NUDCD1: variants seen among roughly 807,000 people sequenced by gnomAD.
NUDCD1 encodes nudC domain-containing protein 1.
Under a neutral mutation model 67.8 loss-of-function variants are expected in NUDCD1, and 60 were observed. That is an observed-to-expected ratio of 0.88 (90% CI 0.72 to 1.10). The LOEUF (loss-of-function observed/expected upper bound fraction) is 1.10, where lower values mean the gene tolerates loss of function less well. NUDCD1 is among the 50% of genes least tolerant of loss of function. NUDCD1 has a pLI of 0.00. For missense variants in NUDCD1, 643 were observed against 695.0 expected, an observed-to-expected ratio of 0.93 and a Z score of 0.84; for synonymous variants, 244 against 230.8, an observed-to-expected ratio of 1.06 and a Z score of -0.52.
intron 6 of NUDCD1, 98 bp downstream of exon 6, chr8:109,280,870 G>T: frequency 1.8e-6 from 1 of 556,652 alleles, no homozygotes; most frequent in Non-Finnish European, 3.1e-6. Flanking sequence ...AATACAGACA[G>T]AACTATTGTA....
chr8:109,274,646 CCTT>C (rs1436883227), intron 7 of NUDCD1, among the ~76,000 whole-genome samples: 2 of 152,238 alleles, frequency 1.3e-5, no homozygotes, highest in African/African-American at 2.4e-5. Flanking sequence ...ATATTCCAGT[CCTT>C]CTTTTCTATC....
intron 4 of NUDCD1, among the ~76,000 whole-genome samples, chr8:109,291,292 A>G (rs967526136): frequency 1.3e-5 from 2 of 152,082 alleles, no homozygotes; most frequent in African/African-American, 4.8e-5. Flanking sequence ...ATAGGTGCAC[A>G]ACACCATGCC....
At position 109,293,450 on chromosome 8, in the gene NUDCD1, AT is replaced by A; in HGVS notation, c.533del (p.His178LeufsTer3). Reference protein sequence around the residue: ...HSISLLNAEEHSIATLLLRIE... With the variant: ...HSISLLNAEEXSIATLLLRIE... ...TTCGAAGAAGTAGGGTAGCTATAGA[AT>A]GTTCTTCAGCATTTAGCAGTGAGAT... On this transcript the variant is annotated frameshift_variant, in exon 4 of 10. Coordinates refer to ENST00000239690, the MANE Select transcript of NUDCD1 (RefSeq NM_032869.4). LOFTEE classifies it high-confidence loss of function. The A allele has an allele frequency of 6.3e-7, 1 of 1,593,712 alleles. No homozygotes were observed. Among genetic ancestry groups the A allele is most frequent in the African/African-American group, 1.4e-5 (1 of 74,046 alleles).
rs545703424 is a variant in NUDCD1 at position 109,322,034 on chromosome 8, C to G, written c.273+275G>C. Among the ~76,000 whole-genome samples the G allele has an allele frequency of 3.3e-5, 5 of 152,180 alleles. No homozygotes were observed. The South Asian group carries it at 1.0e-3, about 32-fold the overall frequency. ...GGGACAACACCTCACATAGGAAAAG[C>G]AGACATGAACAGTTACATCAGTATT... On this transcript the variant is annotated intron_variant, in intron 2 of 9. Coordinates refer to ENST00000239690, the MANE Select transcript of NUDCD1 (RefSeq NM_032869.4).
At chr8:109,331,857 A>G (rs1360412367) in intron 1 of NUDCD1, among the ~76,000 whole-genome samples, 1 of 152,234 alleles carries the variant, frequency 6.6e-6, no homozygotes, top group Non-Finnish European at 1.5e-5. Context: ...TCAGGGAAAC[A>G]CTGAATGACC....
intron 8 of NUDCD1, among the ~76,000 whole-genome samples, chr8:109,260,932 T>C (rs1813851374): frequency 6.6e-6 from 1 of 152,224 alleles, no homozygotes; most frequent in Non-Finnish European, 1.5e-5. Flanking sequence ...GTCTTCGAAA[T>C]TGAATGTAAG....
rs1813358977 is a variant in NUDCD1, at chr8:109,241,235, G to T, written c.*1774C>A. On this transcript the variant is annotated 3_prime_UTR_variant, in exon 10 of 10. Transcript: ENST00000239690. ...CATTAATCATGCAAAAAAATCACATGCACAAAGAATATTGATTACTAAAAT... is the reference window on the plus strand; with the variant it reads ...CATTAATCATGCAAAAAAATCACATTCACAAAGAATATTGATTACTAAAAT... 6.6e-6 allele frequency: 1 copy of T among 151,958 alleles called. No homozygotes were observed. The highest frequency in any genetic ancestry group is 6.6e-5 in the Admixed American group (1 of 15,236). 9.4% of individuals were successfully genotyped at this position (151,958 alleles called of 1,614,324 possible). A position where few individuals can be genotyped will look rare whatever the true frequency, so the allele number is the denominator to read the frequency against.
chr8:109,321,930 TA>T (rs1320851164), intron 2 of NUDCD1, among the ~76,000 whole-genome samples: 1 of 152,130 alleles, frequency 6.6e-6, no homozygotes, highest in Non-Finnish European at 1.5e-5. Flanking sequence ...AAAACAATCC[TA>T]AATGTTTGTA....
chr8:109,266,249 G>A lies in NUDCD1; in HGVS notation c.1299+4756C>T, dbSNP rs550719964. 9.3e-5 allele frequency among the ~76,000 whole-genome samples: 14 copies of A among 150,722 alleles called. No homozygotes were observed. The East Asian group carries it at 1.2e-3, about 13-fold the overall frequency. On this transcript the variant is annotated intron_variant, in intron 8 of 9. Transcript: ENST00000239690. ...TAGTAATAATTTTTTTTTTTGAGAC[G>A]GAGTCTCGCTGTGTCACCCAGGCCG... is the stretch of plus-strand genomic sequence containing the variant.
At chr8:109,266,047 C>T (rs1017741212) in intron 8 of NUDCD1, among the ~76,000 whole-genome samples, 1 of 151,406 alleles carries the variant, frequency 6.6e-6, no homozygotes, top group Non-Finnish European at 1.5e-5. Flanking sequence ...TTGATTAATA[C>T]AGATCAGTGT....
chr8:109,329,363 T>C (rs979946846), intron 1 of NUDCD1, among the ~76,000 whole-genome samples: 1 of 152,242 alleles, frequency 6.6e-6, no homozygotes, highest in East Asian at 1.9e-4. Context: ...CCGCAGTTTA[T>C]AGCCCAACAA....
intron 8 of NUDCD1, among the ~76,000 whole-genome samples, chr8:109,252,991 A>G (rs1326388518): frequency 6.6e-6 from 1 of 152,216 alleles, no homozygotes; most frequent in Non-Finnish European, 1.5e-5. Flanking sequence ...TTCAATATCT[A>G]CAAGAGGTTC....
chr8:109,313,697 T>C (rs1815315715), intron 2 of NUDCD1: 3 of 432,364 alleles, frequency 6.9e-6, no homozygotes, highest in East Asian at 1.4e-4. Context: ...TTTAATCTAA[T>C]AAACCATTAC....
Position 109,271,108 on chromosome 8 carries a change from T to A in NUDCD1, c.1196A>T (p.Lys399Ile), listed in dbSNP as rs761820716. Residue 399 changes from lysine (K) to isoleucine (I), a missense_variant, in exon 8 of 10, where the codon AAA (lysine) becomes ATA (isoleucine). Physicochemically the swap from Lys to Ile is moderately radical, Grantham distance 102 (BLOSUM62 -3). Transcript: ENST00000239690. ...TAACTCTTGAGCATTGCAAGGTGGT[T>A]TTTCTTTATCTGGATTTGGATTCTT... is the stretch of plus-strand genomic sequence containing the variant. ...EELNPNPDKE[K>I]PPCNAQELEE... is the part of the protein sequence containing the mutation. 3 of 1,573,066 alleles carry A rather than the reference T, an allele frequency of 1.9e-6. No individual in the cohort carries two copies. The highest frequency in any genetic ancestry group is 1.8e-5 in the Admixed American group (1 of 54,264).
intron 8 of NUDCD1, among the ~76,000 whole-genome samples, chr8:109,247,396 T>C (rs918733994): frequency 3.9e-5 from 6 of 152,210 alleles, no homozygotes; most frequent in African/African-American, 1.4e-4. Flanking sequence ...CCATCCATAC[T>C]TGAAGAGACA....
Position 109,313,888 on chromosome 8 carries a change from T to C in NUDCD1, c.273+8421A>G, listed in dbSNP as rs1472891785. On this transcript the variant is annotated intron_variant, in intron 2 of 9. Transcript: ENST00000239690. Reference sequence around the variant, plus strand: ...ATAGAATGATTAAGATACTTGAGTATCTAAATGTGAAAACAAAATTAAATT... The same window carrying C: ...ATAGAATGATTAAGATACTTGAGTACCTAAATGTGAAAACAAAATTAAATT... The C allele has an allele frequency of 3.6e-6, 3 of 836,180 alleles. No individual in the cohort carries two copies. The Admixed American group carries it at 7.3e-5, about 20-fold the overall frequency. The allele number at this position is 836,180 out of a possible 1,614,324, so 51.8% of individuals were successfully genotyped here. A position where few individuals can be genotyped will look rare whatever the true frequency, so the allele number is the denominator to read the frequency against.
chr8:109,249,678 T>C (rs893416796), intron 8 of NUDCD1, among the ~76,000 whole-genome samples: 1 of 152,178 alleles, frequency 6.6e-6, no homozygotes, highest in African/African-American at 2.4e-5. Flanking sequence ...CAAAGTCATG[T>C]TTCAAATAAG....
intron 2 of NUDCD1, among the ~76,000 whole-genome samples, chr8:109,310,759 G>GA (rs35673675): frequency 1.4e-5 from 2 of 138,630 alleles, no homozygotes; most frequent in South Asian, 2.2e-4. Context: ...CAACAGCAAG[G>GA]AAAAAAAACA....
chr8:109,290,782 CT>C (rs1391693896), intron 4 of NUDCD1, among the ~76,000 whole-genome samples: 1 of 152,126 alleles, frequency 6.6e-6, no homozygotes, highest in Admixed American at 6.5e-5. Context: ...GTGGGTTATA[CT>C]TGTAGGCTTC....
Sources: gnomAD v4.1 joint callset for allele counts (sites outside exome capture counted in the v4.1 genomes callset) on GRCh38, gnomAD v4.1.1 for gene constraint, MANE v1.5 for transcripts, NCBI Gene and HGNC (gene_info 2026-07-23, HGNC 2026-07-21) for gene names.